RBFOX1: variants seen among roughly 807,000 people sequenced by gnomAD.
RBFOX1 encodes the protein RNA binding fox-1 homolog 1, also known as RNA binding protein fox-1 homolog 1.
RBFOX1 carries 8 observed loss-of-function variants against 57.7 expected under a neutral mutation model. That is an observed-to-expected ratio of 0.14 (90% CI 0.08 to 0.25). RBFOX1 has a LOEUF of 0.25. Among genes scored for constraint, RBFOX1 ranks in the 10% least tolerant of loss-of-function variants. The probability of loss-of-function intolerance (pLI) is 1.00; values close to 1 mark genes in which losing one functional copy is unlikely to be tolerated. For synonymous variants in RBFOX1, 326 were observed against 222.4 expected, an observed-to-expected ratio of 1.47 and a Z score of -4.15; for missense variants, 611 against 548.5, an observed-to-expected ratio of 1.11 and a Z score of -1.14.
In RBFOX1 at chr16:5,974,941, G is replaced by A. The variant is rs543064985; in HGVS notation, c.351+107606G>A. ...GAGAATTGCTGGAACCTAGGAGACGGAGGTTGCGGTGAGCAGAGAACACGC... is the reference window on the plus strand; with the variant it reads ...GAGAATTGCTGGAACCTAGGAGACGAAGGTTGCGGTGAGCAGAGAACACGC... On this transcript the variant is annotated intron_variant, in intron 4 of 19. Coordinates refer to the RBFOX1 transcript ENST00000641259. Among the ~76,000 whole-genome samples the A allele has an allele frequency of 4.7e-4, 71 of 152,296 alleles. 1 individual carries two copies. The highest frequency in any genetic ancestry group is 1.6e-3 in the African/African-American group (66 of 41,562).
intron 3 of RBFOX1, among the ~76,000 whole-genome samples, chr16:6,946,250 A>C (rs1331266980): frequency 6.6e-6 from 1 of 152,232 alleles, no homozygotes; most frequent in Non-Finnish European, 1.5e-5. Flanking sequence ...GCTCCACTAC[A>C]TCCTTGTAGT....
chr16:5,772,574 A>G lies in RBFOX1; in HGVS notation c.319-94729A>G, dbSNP rs144535545. 5.9e-5 allele frequency among the ~76,000 whole-genome samples: 9 copies of G among 152,334 alleles called. No homozygotes were observed. The East Asian group carries it at 1.7e-3, about 29-fold the overall frequency. On this transcript the variant is annotated intron_variant, in intron 3 of 19. Coordinates refer to the RBFOX1 transcript ENST00000641259. ...TTTATACTATAGTATAAATGTTAGC[A>G]TATCTGCAAGTATTTATTCATGGCT...
chr16:7,103,710 G>A (rs2063095907), intron 4 of RBFOX1, among the ~76,000 whole-genome samples: 1 of 152,166 alleles, frequency 6.6e-6, no homozygotes, highest in Non-Finnish European at 1.5e-5. Flanking sequence ...TAACGAATAT[G>A]CCTCATACAG....
intron 3 of RBFOX1, among the ~76,000 whole-genome samples, chr16:6,918,299 A>G (rs2073704801): frequency 1.3e-5 from 2 of 150,832 alleles, no homozygotes; most frequent in Non-Finnish European, 3.0e-5. Context: ...AAAAAAAAGG[A>G]AACACACATT....
intron 4 of RBFOX1, among the ~76,000 whole-genome samples, chr16:7,337,209 G>A (rs1184616389): frequency 6.6e-6 from 1 of 152,096 alleles, no homozygotes; most frequent in Non-Finnish European, 1.5e-5. Flanking sequence ...TGGATTTGTT[G>A]AACCAGGGTC....
At chr16:6,162,843 C>G (rs949145505) in intron 1 of RBFOX1, among the ~76,000 whole-genome samples, 3 of 152,168 alleles carry the variant, frequency 2.0e-5, no homozygotes, top group African/African-American at 7.2e-5. Context: ...AAGCAATTCT[C>G]CTGCTTCACC....
At chr16:7,396,131 C>G (rs2098135006) in intron 4 of RBFOX1, among the ~76,000 whole-genome samples, 1 of 152,042 alleles carries the variant, frequency 6.6e-6, no homozygotes, top group Non-Finnish European at 1.5e-5. Context: ...GTTCTTTTGC[C>G]AATAACCAGG....
intron 1 of RBFOX1, among the ~76,000 whole-genome samples, chr16:5,330,407 A>T (rs1340761756): frequency 6.6e-6 from 1 of 152,088 alleles, no homozygotes; most frequent in Non-Finnish European, 1.5e-5. Context: ...TTTGATTAAA[A>T]GAAAATTTTT....
intron 3 of RBFOX1, among the ~76,000 whole-genome samples, chr16:6,995,177 G>C (rs1191441133): frequency 1.3e-5 from 2 of 152,042 alleles, no homozygotes; most frequent in Admixed American, 1.3e-4. Flanking sequence ...TTCTCTTACA[G>C]TGTGGCTTTA....
At chr16:7,123,369 A>T (rs1031857525) in intron 4 of RBFOX1, among the ~76,000 whole-genome samples, 1 of 151,970 alleles carries the variant, frequency 6.6e-6, no homozygotes, top group African/African-American at 2.4e-5. Context: ...ATTATTATTT[A>T]TTTATTATTT....
chr16:7,432,112 C>T (rs1197920231), intron 4 of RBFOX1, among the ~76,000 whole-genome samples: 1 of 152,220 alleles, frequency 6.6e-6, no homozygotes, highest in Non-Finnish European at 1.5e-5. Flanking sequence ...AGGATGCCCC[C>T]ACACTGTGCT....
At chr16:6,859,089 GTTGTA>G (rs1433147075) in intron 3 of RBFOX1, among the ~76,000 whole-genome samples, 1 of 93,388 alleles carries the variant, frequency 1.1e-5, no homozygotes, top group Non-Finnish European at 2.3e-5. Context: ...TACCATCAGT[GTTGTA>G]TTGTCCTAAA....
chr16:5,439,685 T>G (rs1163194910), intron 1 of RBFOX1, among the ~76,000 whole-genome samples: 1 of 152,110 alleles, frequency 6.6e-6, no homozygotes, highest in African/African-American at 2.4e-5. Context: ...CCTCAAGTGA[T>G]TCACCCGCCT....
intron 1 of RBFOX1, among the ~76,000 whole-genome samples, chr16:6,176,439 A>T (rs1265247471): frequency 6.6e-6 from 1 of 150,950 alleles, no homozygotes; most frequent in Non-Finnish European, 1.5e-5. Context: ...GATTACAGGC[A>T]TGAGCTACTG....
At position 7,579,840 on chromosome 16, in the gene RBFOX1, A is replaced by G. The variant is rs144848881; in HGVS notation, c.334A>G (p.Asn112Asp). The change falls in exon 6 of 16, where the codon AAC becomes GAC. Residue 112 changes from asparagine (N) to aspartate (D), a missense_variant. Asn to Asp is a conservative substitution (Grantham distance 23, BLOSUM62 1). This residue lies in a region of RBFOX1 where 245 missense variants were observed against 159.1 expected (regional missense o/e 1.54). Coordinates refer to ENST00000550418, the MANE Select transcript of RBFOX1 (RefSeq NM_018723.4). ...PQTQPSENTE[N>D]KSQPKRLHVS... ...GACACAACCTTCTGAAAACACGGAAAACAAGTCTCAGCCCAAGCGGCTGCA... is the reference window on the plus strand; with the variant it reads ...GACACAACCTTCTGAAAACACGGAAGACAAGTCTCAGCCCAAGCGGCTGCA... 3.7e-6 allele frequency: 6 copies of G among 1,614,096 alleles called. No homozygotes were observed. The highest frequency in any genetic ancestry group is 5.1e-6 in the Non-Finnish European group (6 of 1,179,984).
intron 1 of RBFOX1, among the ~76,000 whole-genome samples, chr16:5,305,656 T>C (rs1270222356): frequency 6.6e-6 from 1 of 152,070 alleles, no homozygotes; most frequent in African/African-American, 2.4e-5. Flanking sequence ...GAAGAAGAAA[T>C]GGGAAATCCT....
chr16:6,273,267 A>G (rs1339793690), intron 1 of RBFOX1, among the ~76,000 whole-genome samples: 1 of 151,898 alleles, frequency 6.6e-6, no homozygotes, highest in Admixed American at 6.5e-5. Flanking sequence ...TTAAAAAAAA[A>G]CAAAACAAAC....
At chr16:7,432,901 C>T (rs1172989575) in intron 4 of RBFOX1, among the ~76,000 whole-genome samples, 2 of 152,210 alleles carry the variant, frequency 1.3e-5, no homozygotes, top group African/African-American at 2.4e-5. Context: ...GAATCAACAG[C>T]CTTATGGTGT....
intron 1 of RBFOX1, among the ~76,000 whole-genome samples, chr16:5,387,879 A>G (rs1024557464): frequency 1.3e-5 from 2 of 152,202 alleles, no homozygotes; most frequent in Non-Finnish European, 2.9e-5. Context: ...GAGTTCTTAC[A>G]TTTGGAAGAG....
Sources: allele counts gnomAD v4.1 joint callset (sites outside exome capture counted in the v4.1 genomes callset), GRCh38; gene constraint gnomAD v4.1.1; regional missense constraint gnomAD v4.1.1; transcripts MANE v1.5; gene names NCBI Gene and HGNC (gene_info 2026-07-23, HGNC 2026-07-21).